The following ANKHD1 variants were observed in gnomAD, a reference collection of about 807,000 sequenced individuals.
The protein encoded by ANKHD1 is ankyrin repeat and KH domain containing 1, also known as ankyrin repeat and KH domain-containing protein 1.
In ANKHD1, 31 loss-of-function variants were observed where a neutral mutation model predicts 230.5. The ratio of observed to expected loss-of-function variants is 0.13; its 90% CI spans 0.10 to 0.18. The LOEUF is 0.18. Ranked by LOEUF, ANKHD1 falls within the 10% of genes least tolerant of loss-of-function variation. The probability of loss-of-function intolerance (pLI) is 1.00; values close to 1 mark genes in which losing one functional copy is unlikely to be tolerated. For synonymous variants in ANKHD1, 1,074 were observed against 1,117.6 expected (o/e 0.96, Z 0.78); for missense variants, 2,256 against 3,071.3 (o/e 0.73, Z 6.27).
At chr5:140,421,600 C>A (rs1295859691) in intron 1 of ANKHD1, among the ~76,000 whole-genome samples, 4 of 152,014 alleles carry the variant, frequency 2.6e-5, no homozygotes, top group Non-Finnish European at 5.9e-5. Context: ...CGTGCCCGGC[C>A]GAGTTTTTGC....
In ANKHD1 at chr5:140,535,384, A is replaced by G. The variant is rs773962369; in HGVS notation, c.6873A>G (p.Ser2291=). The change falls in exon 30 of 34, where the codon TCA becomes TCG. Residue 2291 remains serine (S), a synonymous_variant. Coordinates refer to ENST00000360839, the MANE Select transcript of ANKHD1 (RefSeq NM_017747.3). ...SPVGLPSIDP[S]GSSPSSSSAP... is the part of the protein sequence containing the mutation. ...CAGGGTTACCATCCATTGACCCATCAGGCAGCTCCCCATCTTCCTCTTCTG... is the reference window on the plus strand; with the variant it reads ...CAGGGTTACCATCCATTGACCCATCGGGCAGCTCCCCATCTTCCTCTTCTG... 73 of 1,610,236 alleles carry G rather than the reference A, an allele frequency of 4.5e-5. No homozygotes were observed. The highest frequency in any genetic ancestry group is 6.0e-5 in the Non-Finnish European group (71 of 1,178,720).
chr5:140,454,797 A>G (rs112405922), intron 7 of ANKHD1, among the ~76,000 whole-genome samples: 1 of 152,206 alleles, frequency 6.6e-6, no homozygotes. Flanking sequence ...ATCACAATTA[A>G]AAGAACTAGA....
At chr5:140,525,849 AAGATTTCTT>A in intron 25 of ANKHD1, 138 bp from the exon 26 acceptor site, 1 of 1,112,108 alleles carries the variant, frequency 9.0e-7, no homozygotes, top group Non-Finnish European at 1.2e-6. Context: ...AAAAAAAAAA[AAGATTTCTT>A]TATTTCTTAG....
Position 140,401,991 on chromosome 5 carries a change from C to T in ANKHD1, c.24C>T (p.Gly8=), listed in dbSNP as rs1444901065. ...CAATGCTGACTGATAGCGGAGGCGG[C>T]GGCACCTCCTTTGAGGAGGACCTGG... is the stretch of plus-strand genomic sequence containing the variant. The part of the protein sequence containing the change: MLTDSGG[G]GTSFEEDLDS... The change falls in exon 1 of 34, where the codon GGC becomes GGT. Residue 8 remains glycine, a synonymous_variant. Transcript: ENST00000360839. The T allele has an allele frequency of 1.9e-6, 3 of 1,558,008 alleles. No homozygotes were observed. Among genetic ancestry groups the T allele is most frequent in the Non-Finnish European group, 1.7e-6 (2 of 1,157,066 alleles).
chr5:140,453,876 A>G (rs1470860149), intron 7 of ANKHD1, among the ~76,000 whole-genome samples: 1 of 152,222 alleles, frequency 6.6e-6, no homozygotes, highest in Non-Finnish European at 1.5e-5. Flanking sequence ...TTAACCTTAA[A>G]TGTAAATGGG....
At chr5:140,489,282 A>G (rs2127024204) in intron 14 of ANKHD1, among the ~76,000 whole-genome samples, 1 of 152,208 alleles carries the variant, frequency 6.6e-6, no homozygotes, top group Non-Finnish European at 1.5e-5. Flanking sequence ...CCGAGGCAGA[A>G]TGATCGATCA....
At chr5:140,439,241 A>G (rs1471327184) in intron 3 of ANKHD1, among the ~76,000 whole-genome samples, 1 of 152,224 alleles carries the variant, frequency 6.6e-6, no homozygotes, top group Non-Finnish European at 1.5e-5. Context: ...CCATAGGATT[A>G]TATCCCAAAA....
intron 10 of ANKHD1, among the ~76,000 whole-genome samples, chr5:140,474,021 G>C (rs1347585580): frequency 6.6e-6 from 1 of 152,148 alleles, no homozygotes; most frequent in Non-Finnish European, 1.5e-5. Flanking sequence ...AGGCCATACA[G>C]ATTATTCTGC....
At chr5:140,492,102 TCA>T (rs576531108) in intron 14 of ANKHD1, among the ~76,000 whole-genome samples, 38 of 152,326 alleles carry the variant, frequency 2.5e-4, no homozygotes, top group South Asian at 1.2e-3. Context: ...TGAAAAGTTC[TCA>T]CATTTTTATA....
intron 9 of ANKHD1, among the ~76,000 whole-genome samples, chr5:140,464,230 C>CAA (rs566732231): frequency 1.7e-3 from 180 of 108,278 alleles, no homozygotes; most frequent in African/African-American, 4.7e-3. Flanking sequence ...GACTATCTCT[C>CAA]AAAAAAAAAA....
rs1774517177 is a variant in ANKHD1 at position 140,449,227 on chromosome 5, T to G, written c.1164T>G (p.Val388=). ...LACYKGHLDM[V]RFLLEAGADQ... ...TTTTTCAAGGCCATTTGGATATGGT[T>G]CGCTTTCTACTTGAAGCTGGTGCAG... The change falls in exon 7 of 34, where the codon GTT becomes GTG. Residue 388 remains valine (V), a synonymous_variant. Coordinates refer to ENST00000360839, the MANE Select transcript of ANKHD1 (RefSeq NM_017747.3). 6.2e-7 allele frequency: 1 copy of G among 1,613,056 alleles called. No homozygotes were observed. Among genetic ancestry groups the G allele is most frequent in the Non-Finnish European group, 8.5e-7 (1 of 1,179,496 alleles).
At chr5:140,439,978 C>T (rs1561723608) in intron 3 of ANKHD1, 141 bp from the exon 4 acceptor site, 1 of 1,080,462 alleles carries the variant, frequency 9.3e-7, no homozygotes, top group East Asian at 3.2e-5. Flanking sequence ...ACAAAATGCT[C>T]AGCAAGTAAT....
At position 140,528,994 on chromosome 5, in the gene ANKHD1, A is replaced by G; in HGVS notation, c.6048A>G (p.Gln2016=). 6.2e-7 allele frequency: 1 copy of G among 1,614,134 alleles called. No individual in the cohort carries two copies. Among genetic ancestry groups the G allele is most frequent in the Middle Eastern group, 1.6e-4 (1 of 6,062 alleles). ...CTTCTCAAGCACAGCTTTCTTCACA[A>G]AAGATGGAGTCTTTCTCTGCTGTGC... ...ASTSQAQLSS[Q]KMESFSAVPP... Residue 2016 remains glutamine, a synonymous_variant, in exon 29 of 34, where the codon CAA becomes CAG. Coordinates refer to ENST00000360839, the MANE Select transcript of ANKHD1 (RefSeq NM_017747.3).
In ANKHD1 at chr5:140,539,339, T is replaced by C; in HGVS notation, c.7570-20T>C. The C allele has an allele frequency of 6.2e-7, 1 of 1,612,102 alleles. No individual in the cohort carries two copies. Among genetic ancestry groups the C allele is most frequent in the Non-Finnish European group, 8.5e-7 (1 of 1,179,418 alleles). ...AAAGATTCCTAATTAGAAATTCCAA[T>C]TTTTCCTCCCCCTTTTCAGATTTGG... On this transcript the variant is annotated intron_variant, in intron 33 of 33. Coordinates refer to ENST00000360839, the MANE Select transcript of ANKHD1 (RefSeq NM_017747.3).
intron 29 of ANKHD1, among the ~76,000 whole-genome samples, chr5:140,533,480 T>C (rs1354533648): frequency 6.6e-6 from 1 of 152,010 alleles, no homozygotes; most frequent in Non-Finnish European, 1.5e-5. Context: ...GCACCTGTGG[T>C]CGCAGCTACT....
Position 140,523,377 on chromosome 5 carries a change from G to T in ANKHD1, c.4318-689G>T, listed in dbSNP as rs140254507. ...TCCTCCTCAGTCTCCCAAAGTGCTT[G>T]TATTACAGGCGTGAGCCACCATGCC... On this transcript the variant is annotated intron_variant, in intron 24 of 33. Coordinates refer to ENST00000360839, the MANE Select transcript of ANKHD1 (RefSeq NM_017747.3). Among the ~76,000 whole-genome samples the T allele has an allele frequency of 4.2e-3, 642 of 151,906 alleles. 3 individuals carry two copies. Among genetic ancestry groups the T allele is most frequent in the African/African-American group, 0.015 (609 of 41,446 alleles).
chr5:140,526,889 A>C lies in ANKHD1; in HGVS notation c.4941-39A>C, dbSNP rs1250628600. 4 of 1,580,786 alleles carry C rather than the reference A, an allele frequency of 2.5e-6. No individual in the cohort carries two copies. The Admixed American group carries it at 5.7e-5, about 23-fold the overall frequency. ...TAGTCTCTTGAGTTTCTATCTTAAA[A>C]CTTATCTTTTATTGTACTTGCTATT... is the stretch of plus-strand genomic sequence containing the variant. On this transcript the variant is annotated intron_variant, in intron 26 of 33. Transcript: ENST00000360839.
At chr5:140,429,255 G>T (rs909160530) in intron 1 of ANKHD1, among the ~76,000 whole-genome samples, 3 of 149,708 alleles carry the variant, frequency 2.0e-5, no homozygotes, top group Non-Finnish European at 4.4e-5. Context: ...CACCACGCCC[G>T]GCTAATTTTT....
At chr5:140,466,248 G>T (rs1274703514) in intron 10 of ANKHD1, among the ~76,000 whole-genome samples, 1 of 152,126 alleles carries the variant, frequency 6.6e-6, no homozygotes, top group African/African-American at 2.4e-5. Flanking sequence ...AAAGTTAGCT[G>T]GGTGTGGTGG....
Sources: gnomAD v4.1 joint callset for allele counts (sites outside exome capture counted in the v4.1 genomes callset) on GRCh38, gnomAD v4.1.1 for gene constraint, MANE v1.5 for transcripts, NCBI Gene and HGNC (gene_info 2026-07-23, HGNC 2026-07-21) for gene names.